The following GNAL variants were observed in gnomAD, a reference collection of about 807,000 sequenced individuals.
GNAL encodes the protein G protein subunit alpha L, also known as guanine nucleotide-binding protein G(olf) subunit alpha.
A neutral mutation model predicts 55.1 loss-of-function variants in GNAL; 18 were observed. The ratio of observed to expected loss-of-function variants is 0.33; its 90% CI spans 0.23 to 0.48. The LOEUF is 0.48. Ranked by LOEUF, GNAL falls within the 20% of genes least tolerant of loss-of-function variation. The pLI, the probability that GNAL is intolerant of heterozygous loss-of-function variation, is 0.99. For synonymous variants in GNAL, 253 were observed against 237.0 expected (o/e 1.07, Z -0.62); for missense variants, 412 against 614.1 (o/e 0.67, Z 3.48).
chr18:11,852,309 G>C (rs1397672863), intron 5 of GNAL: 1 of 615,458 alleles, frequency 1.6e-6, no homozygotes, highest in Non-Finnish European at 2.8e-6. Context: ...CTAAAGTTCT[G>C]TATAGCTCGT....
rs112589769 is a variant in GNAL at position 11,884,646 on chromosome 18, A to G, written c.*3511A>G. On this transcript the variant is annotated 3_prime_UTR_variant, in exon 12 of 12. Coordinates refer to ENST00000334049, the MANE Select transcript of GNAL (RefSeq NM_182978.4). ...TGCTACCCTGGAAAGGAGAAGGGAA[A>G]GTTATGCTGAGAGCACCAGGCACAC... The G allele has an allele frequency of 2.4e-5, 38 of 1,610,064 alleles. No homozygotes were observed. In the African/African-American group the frequency reaches 2.8e-4, roughly 12 times the overall value.
At chr18:11,712,196 G>A (rs901746997) in intron 1 of GNAL, among the ~76,000 whole-genome samples, 6 of 152,140 alleles carry the variant, frequency 3.9e-5, no homozygotes, top group Non-Finnish European at 8.8e-5. Context: ...CCCTCAGCAC[G>A]CTGGGTGAAG....
At chr18:11,858,586 T>TA (rs1337600130) in intron 5 of GNAL, among the ~76,000 whole-genome samples, 2 of 152,194 alleles carry the variant, frequency 1.3e-5, no homozygotes, top group South Asian at 4.1e-4. Flanking sequence ...TGCTTGGAAA[T>TA]ATGCCAGTTG....
At chr18:11,730,375 GT>G (rs1369775246) in intron 1 of GNAL, among the ~76,000 whole-genome samples, 3 of 151,812 alleles carry the variant, frequency 2.0e-5, no homozygotes, top group Non-Finnish European at 4.4e-5. Context: ...GGCCACGCTG[GT>G]CTCGAACTCC....
At chr18:11,739,936 C>A (rs980461741) in intron 1 of GNAL, among the ~76,000 whole-genome samples, 2 of 152,036 alleles carry the variant, frequency 1.3e-5, no homozygotes, top group African/African-American at 4.8e-5. Flanking sequence ...TTAAAACCTC[C>A]CCCTGCGTTC....
At chr18:11,696,422 G>T (rs572625324) in intron 1 of GNAL, among the ~76,000 whole-genome samples, 1 of 151,616 alleles carries the variant, frequency 6.6e-6, no homozygotes, top group East Asian at 1.9e-4. Context: ...GGAGAATGGC[G>T]TGAACCCGGA....
intron 4 of GNAL, among the ~76,000 whole-genome samples, chr18:11,773,155 C>T (rs2033682860): frequency 6.6e-6 from 1 of 152,250 alleles, no homozygotes; most frequent in Non-Finnish European, 1.5e-5. Context: ...CACACAGCCC[C>T]TGGGTTGTCT....
intron 4 of GNAL, among the ~76,000 whole-genome samples, chr18:11,817,879 G>A (rs761088109): frequency 2.0e-5 from 3 of 151,016 alleles, no homozygotes; most frequent in Admixed American, 6.6e-5. Context: ...GTGAGCCACC[G>A]CGCACAACCC....
At chr18:11,781,884 G>A (rs887045414) in intron 4 of GNAL, among the ~76,000 whole-genome samples, 3 of 152,096 alleles carry the variant, frequency 2.0e-5, no homozygotes, top group African/African-American at 7.2e-5. Flanking sequence ...GTTATAATTA[G>A]CAATATATAA....
Position 11,729,189 on chromosome 18 carries a change from G to A in GNAL, c.377-23664G>A, listed in dbSNP as rs146383784. Among the ~76,000 whole-genome samples, 1,376 of 152,144 alleles carry A rather than the reference G, an allele frequency of 9.0e-3. 10 individuals are homozygous for A. Among genetic ancestry groups the A allele is most frequent in the Non-Finnish European group, 0.013 (854 of 67,992 alleles). On this transcript the variant is annotated intron_variant, in intron 1 of 11. Transcript: ENST00000334049. ...GAGATCATAGGTTCATAGATGTGTT[G>A]GGTACAACATCTTCCATCAAAGAGA... is the stretch of plus-strand genomic sequence containing the variant.
At chr18:11,769,226 A>G (rs1397517898) in intron 4 of GNAL, among the ~76,000 whole-genome samples, 1 of 145,556 alleles carries the variant, frequency 6.9e-6, no homozygotes, top group South Asian at 2.1e-4. Flanking sequence ...GTAATATAAA[A>G]TTAATGAAAA....
chr18:11,849,018 A>T (rs2035796483), intron 5 of GNAL, among the ~76,000 whole-genome samples: 1 of 152,186 alleles, frequency 6.6e-6, no homozygotes, highest in Non-Finnish European at 1.5e-5. Flanking sequence ...ATTACCTGTG[A>T]ACTGGAGACA....
At position 11,730,160 on chromosome 18, in the gene GNAL, CT is replaced by C. The variant is rs1240028582; in HGVS notation, c.377-22676del. 6.0e-3 allele frequency among the ~76,000 whole-genome samples: 831 copies of C among 138,720 alleles called. 5 individuals carry two copies. Among genetic ancestry groups the C allele is most frequent in the East Asian group, 0.012 (57 of 4,814 alleles). The allele number at this position is 138,720 out of a possible 152,430, so 91.0% of individuals were successfully genotyped here. A position where few individuals can be genotyped will look rare whatever the true frequency, so the allele number is the denominator to read the frequency against. On this transcript the variant is annotated intron_variant, in intron 1 of 11. Transcript: ENST00000334049. ...AACATTCTCCTGCCTCAGCCTCCCA[CT>C]TTTTTTTTTTTTTTTTGAGGCAGAG...
chr18:11,788,906 A>ATATATATAT (rs1555650621), intron 4 of GNAL, among the ~76,000 whole-genome samples: 42 of 23,536 alleles, frequency 1.8e-3, no homozygotes, highest in Non-Finnish European at 4.3e-3. Context: ...CGAAAAAAAA[A>ATATATATAT]AAAAAAAAAT....
At chr18:11,690,517 G>C (rs1201635019) in intron 1 of GNAL, among the ~76,000 whole-genome samples, 2 of 151,262 alleles carry the variant, frequency 1.3e-5, no homozygotes, top group African/African-American at 4.9e-5. Flanking sequence ...GTGCAGGTTA[G>C]TTACATATGT....
chr18:11,884,963 GT>G lies in GNAL; in HGVS notation c.*3830del. The stretch of plus-strand genomic sequence containing the variant: ...CAGAGATTCAGAGAGGCACCGTGGA[GT>G]TCCAGGGTCATCGGTCAGCGAGGAA... On this transcript the variant is annotated 3_prime_UTR_variant, in exon 12 of 12. Transcript: ENST00000334049. 1 of 1,304,864 alleles carries G rather than the reference GT, an allele frequency of 7.7e-7. No homozygotes were observed. Among genetic ancestry groups the G allele is most frequent in the Middle Eastern group, 2.1e-4 (1 of 4,716 alleles). The allele number at this position is 1,304,864 out of a possible 1,614,324, so 80.8% of individuals were successfully genotyped here.
rs929761191 is a variant in GNAL, at chr18:11,868,491, C to T, written c.911-52C>T. 9.9e-6 allele frequency: 15 copies of T among 1,520,772 alleles called. No homozygotes were observed. Among genetic ancestry groups the T allele is most frequent in the East Asian group, 4.5e-5 (2 of 44,148 alleles). The allele number at this position is 1,520,772 out of a possible 1,614,324, so 94.2% of individuals were successfully genotyped here. On this transcript the variant is annotated intron_variant, in intron 8 of 11. Transcript: ENST00000334049. The surrounding 1 kb of genome is among the most constrained non-coding windows in gnomAD (Gnocchi z 4.0). Reference sequence around the variant, plus strand: ...CTGCTGGGTGTGTACTTTCTTGTAACTCCACAGTGAGGATGTCTAACTGAG... The same window carrying T: ...CTGCTGGGTGTGTACTTTCTTGTAATTCCACAGTGAGGATGTCTAACTGAG...
At position 11,753,488 on chromosome 18, in the gene GNAL, G is replaced by A. The variant is rs11873821; in HGVS notation, c.450-140G>A. ...TTCCTTTCCCAGATAAAACCTTTGC[G>A]GATGTCTTGGGGGTTGATACTGACC... On this transcript the variant is annotated intron_variant, in intron 2 of 11. Transcript: ENST00000334049. The A allele has an allele frequency of 0.29, 170,852 of 585,040 alleles. 27,027 individuals carry two copies. Among genetic ancestry groups the A allele is most frequent in the African/African-American group, 0.48 (25,492 of 52,778 alleles). 36.2% of individuals were successfully genotyped at this position (585,040 alleles called of 1,614,324 possible).
At chr18:11,711,415 T>C (rs146485775) in intron 1 of GNAL, among the ~76,000 whole-genome samples, 27 of 152,296 alleles carry the variant, frequency 1.8e-4, no homozygotes, top group Admixed American at 1.5e-3. Flanking sequence ...TTTTCCTTTT[T>C]ACTCTTCTGA....
Sources: gnomAD v4.1 joint callset for allele counts (sites outside exome capture counted in the v4.1 genomes callset) on GRCh38, gnomAD v4.1.1 for gene constraint, Gnocchi (gnomAD v3.1) non-coding constraint, MANE v1.5 for transcripts, NCBI Gene and HGNC (gene_info 2026-07-23, HGNC 2026-07-21) for gene names.